PIGS: variants seen among roughly 807,000 people sequenced by gnomAD.
The protein encoded by PIGS is GPI-anchor transamidase component PIGS.
A neutral mutation model predicts 58.2 loss-of-function variants in PIGS; 37 were observed. The ratio of observed to expected loss-of-function variants is 0.64; its 90% CI spans 0.49 to 0.84. The LOEUF (loss-of-function observed/expected upper bound fraction) is 0.84, where lower values mean the gene tolerates loss of function less well. Ranked by LOEUF, PIGS falls within the 40% of genes least tolerant of loss-of-function variation. The probability of loss-of-function intolerance (pLI) is 0.00; values close to 1 mark genes in which losing one functional copy is unlikely to be tolerated. For missense variants in PIGS, 629 were observed against 710.8 expected (o/e 0.88, Z 1.31); for synonymous variants, 269 against 289.2 (o/e 0.93, Z 0.71).
At chr17:28,562,534 A>G (rs1290234896) in intron 5 of PIGS, among the ~76,000 whole-genome samples, 1 of 152,202 alleles carries the variant, frequency 6.6e-6, no homozygotes, top group Middle Eastern at 3.4e-3. Context: ...CCTGGGTTCA[A>G]GTGATTCTCC....
Position 28,563,839 on chromosome 17 carries a change from G to A in PIGS, c.355C>T (p.Leu119=). ...RRALDHEEEA[L]SSGSVQEAEA... ...ATACCTTGCACACTGCCCGATGACA[G>A]GGCCTCCTCCTCATGGTCCAAAGCC... The change falls in exon 4 of 12, where the codon CTG becomes TTG. Residue 119 remains leucine, a synonymous_variant. Transcript: ENST00000308360. 1 of 1,614,056 alleles carries A rather than the reference G, an allele frequency of 6.2e-7. No homozygotes were observed. Among genetic ancestry groups the A allele is most frequent in the Non-Finnish European group, 8.5e-7 (1 of 1,179,876 alleles).
At chr17:28,554,790 A>C in intron 11 of PIGS, 61 bp downstream of exon 11, 11 of 1,589,088 alleles carry the variant, frequency 6.9e-6, no homozygotes, top group Non-Finnish European at 9.5e-6. Flanking sequence ...GTCTCACCAC[A>C]CTCTGGCCCT....
At chr17:28,567,639 T>C (rs1168653032) in intron 3 of PIGS, among the ~76,000 whole-genome samples, 1 of 152,216 alleles carries the variant, frequency 6.6e-6, no homozygotes, top group East Asian at 1.9e-4. Flanking sequence ...GGTGTGACAA[T>C]GGTAGTCATG....
intron 3 of PIGS, among the ~76,000 whole-genome samples, chr17:28,566,872 C>T (rs1176393285): frequency 6.6e-6 from 1 of 152,086 alleles, no homozygotes; most frequent in African/African-American, 2.4e-5. Context: ...GGATTACAGG[C>T]GTGAGCCACT....
chr17:28,562,449 T>C (rs1260955162), intron 5 of PIGS, among the ~76,000 whole-genome samples: 1 of 152,198 alleles, frequency 6.6e-6, no homozygotes, highest in Non-Finnish European at 1.5e-5. Context: ...AAATTTTCTT[T>C]TTGAGACAGA....
intron 3 of PIGS, among the ~76,000 whole-genome samples, chr17:28,564,609 G>A (rs2070384235): frequency 1.3e-5 from 2 of 152,014 alleles, no homozygotes; most frequent in Admixed American, 6.6e-5. Flanking sequence ...CAGCTACTCG[G>A]GAAGCTCAGG....
At chr17:28,559,699 CAAAAAAAAAAA>C (rs761803589) in intron 7 of PIGS, among the ~76,000 whole-genome samples, 197 of 45,732 alleles carry the variant, frequency 4.3e-3, no homozygotes, top group African/African-American at 0.016. Context: ...GACTCTGTCT[CAAAAAAAAAAA>C]AAAAAAAAAA....
chr17:28,563,785 A>G (rs367759207), intron 4 of PIGS, 33 bp downstream of exon 4: 1 of 1,573,030 alleles, frequency 6.4e-7, no homozygotes, highest in African/African-American at 1.4e-5. Flanking sequence ...AGAGGGCTTC[A>G]CATTAAAATG....
intron 11 of PIGS, 31 bp from the exon 12 acceptor site, chr17:28,554,526 C>T (rs2151511113): frequency 6.2e-7 from 1 of 1,605,132 alleles, no homozygotes; most frequent in Non-Finnish European, 8.5e-7. Flanking sequence ...GAGGGTATAC[C>T]AGTAAGTCCT....
intron 7 of PIGS, among the ~76,000 whole-genome samples, chr17:28,559,170 T>C (rs780075263): frequency 6.6e-6 from 1 of 150,532 alleles, no homozygotes; most frequent in African/African-American, 2.4e-5. Flanking sequence ...AGAGATGGGG[T>C]TTCACCATGT....
chr17:28,570,163 A>G (rs2070418429), intron 3 of PIGS, among the ~76,000 whole-genome samples: 1 of 152,152 alleles, frequency 6.6e-6, no homozygotes. Context: ...TTTCTTATTC[A>G]TTCCTAAATT....
chr17:28,558,952 G>C (rs181192399), intron 7 of PIGS, among the ~76,000 whole-genome samples: 4 of 152,290 alleles, frequency 2.6e-5, no homozygotes, highest in African/African-American at 9.6e-5. Context: ...TCCCTACAAG[G>C]AGACAGCGTG....
rs139120468 is a variant in PIGS at position 28,556,170 on chromosome 17, A to G, written c.1177T>C (p.Leu393=). 5.6e-6 allele frequency: 9 copies of G among 1,612,312 alleles called. No individual in the cohort carries two copies. In the African/African-American group the frequency reaches 8.0e-5, roughly 14 times the overall value. ...VRVMEVFLAQ[L]RLLFGIAQPQ... The stretch of plus-strand genomic sequence containing the variant: ...GTGGATCATCCAGGACCTCACCGCA[A>G]CTGTGCCAGGAACACCTCCATCACT... Residue 393 remains leucine, a synonymous_variant, in exon 10 of 12, where the codon TTG becomes CTG. Transcript: ENST00000308360.
intron 5 of PIGS, among the ~76,000 whole-genome samples, chr17:28,563,029 C>T (rs1005722267): frequency 1.1e-4 from 16 of 151,956 alleles, no homozygotes; most frequent in Non-Finnish European, 1.3e-4. Flanking sequence ...ATGTGGAGGA[C>T]GGGTGCGGTG....
intron 6 of PIGS, 77 bp from the exon 7 acceptor site, chr17:28,560,268 C>A (rs1698501347): frequency 1.3e-6 from 2 of 1,502,144 alleles, no homozygotes; most frequent in Non-Finnish European, 1.8e-6. Context: ...CCCAGCTGAG[C>A]TGAACTTGTT....
intron 5 of PIGS, among the ~76,000 whole-genome samples, 184 bp downstream of exon 5, chr17:28,563,247 C>T (rs140165516): frequency 0.019 from 2,930 of 152,148 alleles, 50 homozygotes; most frequent in Middle Eastern, 0.034. Context: ...GAGCCGAGAT[C>T]CCGCCACTGT....
rs2070425095 is a variant in PIGS, at chr17:28,571,074, T to TGGGAGTAAGGCAACG, written c.134_148dup (p.Ser49_Gln50insProLeuProTyrSer). On this transcript the variant is annotated inframe_insertion, in exon 2 of 12. Transcript: ENST00000308360. ...CTGAAGGGCATTCAGGCCACTGATC[T>TGGGAGTAAGGCAACG]GGGAGTAAGGCAACGAGGCCCGGTA... 1 of 1,613,982 alleles carries TGGGAGTAAGGCAACG rather than the reference T, an allele frequency of 6.2e-7. No homozygotes were observed. The highest frequency in any genetic ancestry group is 1.7e-5 in the Admixed American group (1 of 60,012).
chr17:28,564,328 G>T (rs2070382778), intron 3 of PIGS, among the ~76,000 whole-genome samples: 1 of 152,184 alleles, frequency 6.6e-6, no homozygotes, highest in Non-Finnish European at 1.5e-5. Flanking sequence ...AGCAATTTGG[G>T]AGGCCAAGGC....
chr17:28,556,771 G>A (rs1456884812), intron 9 of PIGS, 56 bp downstream of exon 9: 2 of 1,571,964 alleles, frequency 1.3e-6, no homozygotes, highest in East Asian at 4.5e-5. Flanking sequence ...CAGTTTCAGG[G>A]ACACCTGCCT....
Sources: gnomAD v4.1 joint callset for allele counts (sites outside exome capture counted in the v4.1 genomes callset) on GRCh38, gnomAD v4.1.1 for gene constraint, MANE v1.5 for transcripts, NCBI Gene and HGNC (gene_info 2026-07-23, HGNC 2026-07-21) for gene names.